The following NDST4 variants were observed in gnomAD, a reference collection of about 807,000 sequenced individuals.
NDST4 encodes the protein N-heparan sulfate sulfotransferase 4.
NDST4 carries 63 observed loss-of-function variants against 100.8 expected under a neutral mutation model. The observed-to-expected ratio is 0.62, with a 90% confidence interval of 0.51 to 0.77. NDST4 has a LOEUF of 0.77. Among genes scored for constraint, NDST4 ranks in the 30% least tolerant of loss-of-function variants. The pLI is 0.00. For missense variants in NDST4, 943 were observed against 1,018.4 expected (o/e 0.93, Z 1.01); for synonymous variants, 377 against 361.8 (o/e 1.04, Z -0.48).
intron 2 of NDST4, among the ~76,000 whole-genome samples, chr4:115,038,252 G>A (rs1182993805): frequency 6.6e-6 from 1 of 152,080 alleles, no homozygotes; most frequent in Non-Finnish European, 1.5e-5. Flanking sequence ...TTATTACTTT[G>A]CTATCCTTAG....
At chr4:114,830,101 C>T (rs1209669137) in intron 12 of NDST4, among the ~76,000 whole-genome samples, 1 of 152,064 alleles carries the variant, frequency 6.6e-6, no homozygotes, top group Non-Finnish European at 1.5e-5. Context: ...CTATACTATA[C>T]TGAAAAAAGA....
At chr4:114,964,586 T>C (rs1029506716) in intron 4 of NDST4, among the ~76,000 whole-genome samples, 2 of 152,222 alleles carry the variant, frequency 1.3e-5, no homozygotes, top group African/African-American at 4.8e-5. Flanking sequence ...AAAAATGTTT[T>C]ATTATTTTAT....
intron 4 of NDST4, among the ~76,000 whole-genome samples, chr4:114,964,773 C>T (rs1489524592): frequency 1.3e-5 from 2 of 152,096 alleles, no homozygotes; most frequent in African/African-American, 4.8e-5. Flanking sequence ...TTCCTTCAGT[C>T]CCTAAAAACC....
At chr4:115,024,657 G>A (rs142251860) in intron 2 of NDST4, among the ~76,000 whole-genome samples, 1 of 152,230 alleles carries the variant, frequency 6.6e-6, no homozygotes, top group African/African-American at 2.4e-5. Flanking sequence ...TGATTCAGAT[G>A]AGACTCTACT....
intron 3 of NDST4, among the ~76,000 whole-genome samples, chr4:114,975,880 T>A (rs1352018220): frequency 6.6e-6 from 1 of 152,092 alleles, no homozygotes; most frequent in Admixed American, 6.6e-5. Flanking sequence ...TTTGAAAAGA[T>A]TTACAAAACC....
intron 1 of NDST4, among the ~76,000 whole-genome samples, chr4:115,086,919 T>G (rs1490557858): frequency 6.6e-6 from 1 of 152,082 alleles, no homozygotes; most frequent in Non-Finnish European, 1.5e-5. Context: ...AAGATTTAGA[T>G]AGAGTAGTAG....
At chr4:114,841,115 A>C (rs1330301253) in intron 10 of NDST4, among the ~76,000 whole-genome samples, 1 of 152,080 alleles carries the variant, frequency 6.6e-6, no homozygotes, top group Non-Finnish European at 1.5e-5. Context: ...AACTGTGCTT[A>C]ATCTGTTCTA....
At chr4:115,023,582 A>T (rs1250278836) in intron 2 of NDST4, among the ~76,000 whole-genome samples, 1 of 152,128 alleles carries the variant, frequency 6.6e-6, no homozygotes, top group Admixed American at 6.6e-5. Flanking sequence ...CACATACAGT[A>T]AGATGCAAGA....
chr4:115,073,981 CAA>C, intron 2 of NDST4, among the ~76,000 whole-genome samples: 2 of 151,786 alleles, frequency 1.3e-5, no homozygotes, highest in Middle Eastern at 3.4e-3. Flanking sequence ...GAAATAACAA[CAA>C]AAGAGGCAGT....
chr4:115,053,964 G>T (rs1728640365), intron 2 of NDST4, among the ~76,000 whole-genome samples: 1 of 151,882 alleles, frequency 6.6e-6, no homozygotes, highest in South Asian at 2.1e-4. Context: ...AAACCTAATG[G>T]ATCTTAATCA....
intron 2 of NDST4, among the ~76,000 whole-genome samples, chr4:115,048,019 G>C (rs1578481024): frequency 6.6e-6 from 1 of 151,824 alleles, no homozygotes; most frequent in East Asian, 1.9e-4. Flanking sequence ...AAGCTATTTT[G>C]TATTCTTTCC....
rs761023883 is a variant in NDST4, at chr4:115,076,948, G to T, written c.89C>A (p.Ala30Asp). 6.2e-7 allele frequency: 1 copy of T among 1,613,528 alleles called. No homozygotes were observed. Among genetic ancestry groups the T allele is most frequent in the South Asian group, 1.1e-5 (1 of 91,068 alleles). The change falls in exon 2 of 14, where the codon GCC (alanine) becomes GAC (aspartate). Residue 30 changes from alanine to aspartate, a missense_variant. Transcript: ENST00000264363. ...TFCLVSIVIS[A>D]YFLYSGYKQE... Reference sequence around the variant, plus strand: ...TTTGTAGCCAGAGTAGAGAAAATAGGCAGAAATGACAATGCTCACCAAGCA... The same window carrying T: ...TTTGTAGCCAGAGTAGAGAAAATAGTCAGAAATGACAATGCTCACCAAGCA...
intron 2 of NDST4, among the ~76,000 whole-genome samples, chr4:115,036,621 A>G (rs994626330): frequency 1.3e-5 from 2 of 151,952 alleles, no homozygotes; most frequent in Non-Finnish European, 2.9e-5. Context: ...CATATAATGC[A>G]CAGATGTCAA....
intron 1 of NDST4, among the ~76,000 whole-genome samples, chr4:115,083,082 G>C (rs145486037): frequency 6.6e-6 from 1 of 151,936 alleles, no homozygotes; most frequent in East Asian, 1.9e-4. Flanking sequence ...TGCTTCATGC[G>C]TTTTTTTGTT....
intron 4 of NDST4, among the ~76,000 whole-genome samples, chr4:114,959,064 A>G (rs1726203293): frequency 6.6e-6 from 1 of 152,118 alleles, no homozygotes; most frequent in Non-Finnish European, 1.5e-5. Context: ...CCTAAAATAT[A>G]GCAAAAATCA....
intron 8 of NDST4, among the ~76,000 whole-genome samples, chr4:114,848,864 G>T (rs552615153): frequency 1.3e-5 from 2 of 152,164 alleles, no homozygotes; most frequent in Non-Finnish European, 2.9e-5. Flanking sequence ...TCCCTGTGTG[G>T]ACTTGGACAA....
chr4:114,864,377 T>C (rs1313385065), intron 7 of NDST4, among the ~76,000 whole-genome samples: 1 of 152,226 alleles, frequency 6.6e-6, no homozygotes, highest in African/African-American at 2.4e-5. Flanking sequence ...AAAACACATT[T>C]TTCCTTTCCA....
chr4:115,043,703 T>C (rs1340653919), intron 2 of NDST4, among the ~76,000 whole-genome samples: 1 of 152,112 alleles, frequency 6.6e-6, no homozygotes, highest in African/African-American at 2.4e-5. Flanking sequence ...GTCTCATCTG[T>C]AAAATGGGGC....
intron 6 of NDST4, among the ~76,000 whole-genome samples, chr4:114,888,962 C>T (rs1440166195): frequency 6.6e-6 from 1 of 151,908 alleles, no homozygotes; most frequent in Non-Finnish European, 1.5e-5. Context: ...CTTATTTCTT[C>T]TTATTTTTTT....
Sources: allele counts gnomAD v4.1 joint callset (sites outside exome capture counted in the v4.1 genomes callset), GRCh38; gene constraint gnomAD v4.1.1; transcripts MANE v1.5; gene names NCBI Gene and HGNC (gene_info 2026-07-23, HGNC 2026-07-21).